Variants in RAB2A observed in about 807,000 individuals in gnomAD.
RAB2A encodes RAB2A, member RAS oncogene family.
RAB2A carries 7 observed loss-of-function variants against 32.5 expected under a neutral mutation model. The ratio of observed to expected loss-of-function variants is 0.22; its 90% confidence interval spans 0.12 to 0.40. The LOEUF (loss-of-function observed/expected upper bound fraction) is 0.40. Among genes scored for constraint, RAB2A ranks in the 10% least tolerant of loss-of-function variants. RAB2A has a pLI of 1.00. For missense variants in RAB2A, 108 were observed against 260.7 expected (o/e 0.41, Z 4.03); for synonymous variants, 79 against 85.2 (o/e 0.93, Z 0.40).
At position 60,597,840 on chromosome 8, in the gene RAB2A, A is replaced by G. The variant is rs899152731; in HGVS notation, c.474+5871A>G. ...TGCAAGTTACCAATTATCAGTAACA[A>G]AACAGAAGCTATCACTACAGATTCT... On this transcript the variant is annotated intron_variant, in intron 6 of 7. Coordinates refer to ENST00000262646, the MANE Select transcript of RAB2A (RefSeq NM_002865.3). 2.6e-5 allele frequency among the ~76,000 whole-genome samples: 4 copies of G among 152,244 alleles called. No individual in the cohort carries two copies. In the South Asian group the frequency reaches 6.2e-4, roughly 24 times the overall value.
chr8:60,545,455 G>C (rs890081485), intron 1 of RAB2A, among the ~76,000 whole-genome samples: 1 of 151,650 alleles, frequency 6.6e-6, no homozygotes, highest in African/African-American at 2.4e-5. Context: ...ACCATACCCA[G>C]CTTATTTTTT....
intron 6 of RAB2A, among the ~76,000 whole-genome samples, chr8:60,593,708 A>G (rs1803976386): frequency 6.6e-6 from 1 of 152,146 alleles, no homozygotes; most frequent in African/African-American, 2.4e-5. Context: ...CATACCTAGA[A>G]CCAGGAAGAT....
chr8:60,559,319 G>A (rs1478545259), intron 2 of RAB2A: 2 of 194,884 alleles, frequency 1.0e-5, no homozygotes, highest in African/African-American at 4.8e-5. Context: ...TCTGTTCAAT[G>A]AGAGTAGTAG....
intron 1 of RAB2A, among the ~76,000 whole-genome samples, chr8:60,524,365 C>A (rs1311301853): frequency 6.8e-6 from 1 of 147,726 alleles, no homozygotes; most frequent in Non-Finnish European, 1.5e-5. Context: ...TCTGGCCCAG[C>A]TGTGCTTACT....
intron 6 of RAB2A, among the ~76,000 whole-genome samples, chr8:60,596,151 G>T (rs1271284370): frequency 1.3e-5 from 2 of 152,150 alleles, no homozygotes; most frequent in Non-Finnish European, 2.9e-5. Context: ...ATTAACTCAA[G>T]ATGGATTAGA....
intron 2 of RAB2A, chr8:60,559,310 C>G (rs372036532): frequency 1.0e-5 from 2 of 199,856 alleles, no homozygotes; most frequent in African/African-American, 4.8e-5. Flanking sequence ...GTTTCTCTTT[C>G]TGTTCAATGA....
chr8:60,620,797 C>G lies in RAB2A; in HGVS notation c.*28C>G, dbSNP rs201836844. 4 of 1,589,482 alleles carry G rather than the reference C, an allele frequency of 2.5e-6. No individual in the cohort carries two copies. The African/African-American group carries it at 4.1e-5, about 16-fold the overall frequency. ...CTGTTTTTACTGTCTAGCTGCCCAA[C>G]GGGGCCTACTCACTTATTCTTTCAC... On this transcript the variant is annotated 3_prime_UTR_variant, in exon 8 of 8. Coordinates refer to ENST00000262646, the MANE Select transcript of RAB2A (RefSeq NM_002865.3).
intron 7 of RAB2A, among the ~76,000 whole-genome samples, chr8:60,619,489 GCTCT>G (rs1266696929): frequency 1.3e-5 from 2 of 152,122 alleles, no homozygotes; most frequent in Admixed American, 6.6e-5. Context: ...CATAAATGAG[GCTCT>G]CTATTACTTC....
intron 2 of RAB2A, chr8:60,570,041 G>A (rs1015289294): frequency 4.4e-5 from 20 of 456,012 alleles, no homozygotes; most frequent in South Asian, 2.6e-4. Context: ...TCATCTGCTC[G>A]GATGGAATGG....
chr8:60,563,918 A>G (rs1435885906), intron 2 of RAB2A, among the ~76,000 whole-genome samples: 1 of 152,086 alleles, frequency 6.6e-6, no homozygotes. Context: ...ATGCTGTATC[A>G]TAGTCTCGTG....
Position 60,572,072 on chromosome 8 carries a change from A to G in RAB2A, c.145A>G (p.Thr49Ala). ...IGVEFGARMI[T>A]IDGKQIKLQI... ...TGTAGAGTTCGGTGCTCGAATGATA[A>G]CTATTGATGGGAAACAGATAAAACT... The change falls in exon 3 of 8, where the codon ACT becomes GCT. Residue 49 changes from threonine to alanine, a missense_variant. By Grantham distance (58) the Thr-to-Ala change is moderately conservative. This residue lies in a region of RAB2A where 79 missense variants were observed against 199.8 expected (regional missense o/e 0.40). Coordinates refer to ENST00000262646, the MANE Select transcript of RAB2A (RefSeq NM_002865.3). 6.2e-7 allele frequency: 1 copy of G among 1,607,122 alleles called. No individual in the cohort carries two copies. Among genetic ancestry groups the G allele is most frequent in the Non-Finnish European group, 8.5e-7 (1 of 1,175,648 alleles).
intron 1 of RAB2A, among the ~76,000 whole-genome samples, chr8:60,547,614 C>T: frequency 8.0e-6 from 1 of 124,578 alleles, no homozygotes; most frequent in South Asian, 2.7e-4. Context: ...GGCAGAGGCG[C>T]CCCTCACCTC....
chr8:60,534,138 G>A (rs994080189), intron 1 of RAB2A, among the ~76,000 whole-genome samples: 2 of 152,192 alleles, frequency 1.3e-5, no homozygotes, highest in Admixed American at 6.5e-5. Flanking sequence ...AAGGTGTGTG[G>A]ACAGGGTACT....
chr8:60,561,616 A>G (rs1563470473), intron 2 of RAB2A, among the ~76,000 whole-genome samples: 2 of 152,326 alleles, frequency 1.3e-5, no homozygotes, highest in Non-Finnish European at 1.5e-5. Context: ...GCCATTGTCA[A>G]TAACTCCAAA....
intron 1 of RAB2A, among the ~76,000 whole-genome samples, chr8:60,557,497 C>T (rs1384182477): frequency 6.6e-6 from 1 of 152,118 alleles, no homozygotes; most frequent in Non-Finnish European, 1.5e-5. Flanking sequence ...GCCTGGGTGA[C>T]AGAGCAAAAC....
chr8:60,589,112 A>G (rs1803893650), intron 5 of RAB2A, among the ~76,000 whole-genome samples: 1 of 152,226 alleles, frequency 6.6e-6, no homozygotes, highest in South Asian at 2.1e-4. Context: ...GTATGAAATA[A>G]TAAGAGGAGA....
chr8:60,571,913 A>G (rs1808201679), intron 2 of RAB2A, 133 bp from the exon 3 acceptor site: 1 of 526,126 alleles, frequency 1.9e-6, no homozygotes, highest in African/African-American at 1.9e-5. Context: ...AAGTATAGGA[A>G]CTGCATTTGT....
intron 6 of RAB2A, among the ~76,000 whole-genome samples, chr8:60,602,049 T>C (rs922579797): frequency 6.6e-6 from 1 of 152,038 alleles, no homozygotes; most frequent in Admixed American, 6.6e-5. Flanking sequence ...CAGCTAATTT[T>C]TTTTTTTTTG....
chr8:60,547,637 G>A (rs1807758238), intron 1 of RAB2A, among the ~76,000 whole-genome samples: 1 of 121,246 alleles, frequency 8.2e-6, no homozygotes, highest in East Asian at 3.0e-4. Flanking sequence ...GGACGGGGCG[G>A]CTGGCCAGGC....
Sources: gnomAD v4.1 joint callset for allele counts (sites outside exome capture counted in the v4.1 genomes callset) on GRCh38, gnomAD v4.1.1 for gene constraint, gnomAD v4.1.1 regional missense constraint, MANE v1.5 for transcripts, NCBI Gene and HGNC (gene_info 2026-07-23, HGNC 2026-07-21) for gene names.